The following IL1RL1 variants were observed in gnomAD, a reference collection of about 807,000 sequenced individuals.
IL1RL1 encodes the protein interleukin 1 receptor like 1.
In IL1RL1, 32 loss-of-function variants were observed where a neutral mutation model predicts 50.9. That is an observed-to-expected ratio of 0.63 (90% CI 0.47 to 0.84). The LOEUF (loss-of-function observed/expected upper bound fraction) is 0.84. Among genes scored for constraint, IL1RL1 ranks in the 40% least tolerant of loss-of-function variants. The pLI is 0.00. For synonymous variants in IL1RL1, 275 were observed against 236.0 expected (o/e 1.17, Z -1.51); for missense variants, 773 against 662.9 (o/e 1.17, Z -1.82).
At chr2:102,335,512 G>C (rs1362349) in intron 1 of IL1RL1, among the ~76,000 whole-genome samples, 72,757 of 151,920 alleles carry the variant, frequency 0.48, 17,645 homozygotes, top group Middle Eastern at 0.64. Context: ...TAAAATTTGA[G>C]TGATGTTAAT....
At chr2:102,331,224 A>G (rs936770976) in intron 1 of IL1RL1, among the ~76,000 whole-genome samples, 4 of 152,148 alleles carry the variant, frequency 2.6e-5, no homozygotes, top group Non-Finnish European at 2.9e-5. Context: ...TATTCCCAGG[A>G]CTTTAATTTG....
chr2:102,351,479 G>A, intron 10 of IL1RL1, 57 bp from the exon 11 acceptor site: 1 of 1,440,844 alleles, frequency 6.9e-7, no homozygotes, highest in Non-Finnish European at 9.5e-7. Context: ...TGTTCAGGAT[G>A]TTTATGTTTA....
At chr2:102,347,179 C>T (rs1232147479) in intron 8 of IL1RL1, among the ~76,000 whole-genome samples, 1 of 152,232 alleles carries the variant, frequency 6.6e-6, no homozygotes, top group African/African-American at 2.4e-5. Flanking sequence ...TTGATGCCTT[C>T]TCCTTAATGC....
At chr2:102,343,797 T>A (rs1677678192) in intron 8 of IL1RL1, 18 of 1,099,762 alleles carry the variant, frequency 1.6e-5, no homozygotes, top group Non-Finnish European at 2.0e-5. Context: ...GCATTACATG[T>A]TGTAAGCATG....
chr2:102,328,534 G>A (rs977749108), intron 1 of IL1RL1, among the ~76,000 whole-genome samples: 1 of 152,076 alleles, frequency 6.6e-6, no homozygotes, highest in Non-Finnish European at 1.5e-5. Context: ...GGAAATAAAG[G>A]GTATTCAATT....
intron 4 of IL1RL1, 52 bp downstream of exon 4, chr2:102,340,324 C>T (rs764286515): frequency 1.4e-6 from 2 of 1,461,432 alleles, no homozygotes; most frequent in Admixed American, 2.2e-5. Flanking sequence ...TTAAAATAGA[C>T]ACAAGTGGCC....
intron 1 of IL1RL1, among the ~76,000 whole-genome samples, chr2:102,311,961 T>C (rs1238364916): frequency 2.3e-4 from 7 of 31,104 alleles, no homozygotes; most frequent in Non-Finnish European, 3.1e-4. Flanking sequence ...TAATATATAT[T>C]ATATATAATA....
rs1052533069 is a variant in IL1RL1, at chr2:102,343,754, C to T, written c.970+339C>T. The T allele has an allele frequency of 1.7e-5, 20 of 1,195,374 alleles. No homozygotes were observed. The African/African-American group carries it at 2.9e-4, about 17-fold the overall frequency. The allele number at this position is 1,195,374 out of a possible 1,614,324, so 74.0% of individuals were successfully genotyped here. A position where few individuals can be genotyped will look rare whatever the true frequency, so the allele number is the denominator to read the frequency against. ...AAGGAAATGCACCAACAACCGTAAA[C>T]TGAACGTGTTCTTTTGTGCTCTTTT... On this transcript the variant is annotated intron_variant, in intron 8 of 10. Transcript: ENST00000233954.
intron 1 of IL1RL1, among the ~76,000 whole-genome samples, chr2:102,311,940 A>C (rs1352321306): frequency 1.9e-3 from 66 of 35,374 alleles, no homozygotes; most frequent in East Asian, 5.8e-3. Flanking sequence ...TATTATATAT[A>C]ATATTATATA....
At chr2:102,329,651 A>G (rs76498201) in intron 1 of IL1RL1, among the ~76,000 whole-genome samples, 72,716 of 152,004 alleles carry the variant, frequency 0.48, 17,675 homozygotes, top group Middle Eastern at 0.64. Context: ...AGAAAAAAAC[A>G]AACAACCCCA....
intron 1 of IL1RL1, among the ~76,000 whole-genome samples, chr2:102,336,777 A>G (rs1677341221): frequency 6.6e-6 from 1 of 152,056 alleles, no homozygotes; most frequent in Non-Finnish European, 1.5e-5. Context: ...GTGGAGTCAC[A>G]TTCTGGAACC....
chr2:102,337,927 G>T (rs1257806828), intron 1 of IL1RL1, among the ~76,000 whole-genome samples, 189 bp from the exon 2 acceptor site: 1 of 152,088 alleles, frequency 6.6e-6, no homozygotes, highest in African/African-American at 2.4e-5. Flanking sequence ...CATGATCATT[G>T]TGAAAGCTAT....
At chr2:102,311,991 TATATAATATATTTATATATATTATATATA>T (rs1559592205) in intron 1 of IL1RL1, among the ~76,000 whole-genome samples, 509 of 32,540 alleles carry the variant, frequency 0.016, 36 homozygotes, top group African/African-American at 0.092. Flanking sequence ...ATATATATTA[TATATAATATATTTATATATATTATATATA>T]ATATATATTA....
At chr2:102,336,496 C>T (rs75676022) in intron 1 of IL1RL1, among the ~76,000 whole-genome samples, 12 of 152,234 alleles carry the variant, frequency 7.9e-5, no homozygotes, top group Middle Eastern at 3.4e-3. Context: ...GACTTATAAA[C>T]GTAGGTTGAG....
chr2:102,318,384 G>C (rs1676740848), intron 1 of IL1RL1, among the ~76,000 whole-genome samples: 1 of 148,228 alleles, frequency 6.7e-6, no homozygotes, highest in Non-Finnish European at 1.5e-5. Flanking sequence ...CAAGGATTTT[G>C]ATATGTGCAG....
At chr2:102,345,698 T>C (rs1168122355) in intron 8 of IL1RL1, 26 of 985,294 alleles carry the variant, frequency 2.6e-5, no homozygotes, top group Middle Eastern at 5.2e-4. Flanking sequence ...AAGTTTTTCA[T>C]AAAATAAACA....
Position 102,338,336 on chromosome 2 carries a change from C to T in IL1RL1, c.61+11C>T. 1 of 1,465,944 alleles carries T rather than the reference C, an allele frequency of 6.8e-7. No individual in the cohort carries two copies. Among genetic ancestry groups the T allele is most frequent in the Non-Finnish European group, 9.4e-7 (1 of 1,059,804 alleles). 90.8% of individuals were successfully genotyped at this position (1,465,944 alleles called of 1,614,324 possible). A position where few individuals can be genotyped will look rare whatever the true frequency, so the allele number is the denominator to read the frequency against. ...CAGCAGCAAAGTTTAGTAAGTATTG[C>T]CTTCTAAGTATAATTTAAATTTTTA... On this transcript the variant is annotated intron_variant, in intron 2 of 10. Transcript: ENST00000233954.
At chr2:102,339,751 G>A (rs901546939) in intron 3 of IL1RL1, among the ~76,000 whole-genome samples, 10 of 152,090 alleles carry the variant, frequency 6.6e-5, no homozygotes, top group African/African-American at 1.9e-4. Flanking sequence ...ATAAACTAAG[G>A]TAATGTGTGA....
At chr2:102,339,222 A>G in intron 3 of IL1RL1, 175 bp downstream of exon 3, 1 of 592,298 alleles carries the variant, frequency 1.7e-6, no homozygotes, top group Non-Finnish European at 3.0e-6. Flanking sequence ...TATCAGGTTG[A>G]GGTCTAGCTC....
Sources: gnomAD v4.1 joint callset for allele counts (sites outside exome capture counted in the v4.1 genomes callset) on GRCh38, gnomAD v4.1.1 for gene constraint, MANE v1.5 for transcripts, NCBI Gene and HGNC (gene_info 2026-07-23, HGNC 2026-07-21) for gene names.